GCM2: variants seen among roughly 807,000 people sequenced by gnomAD.
The protein encoded by GCM2 is GCM transcription factor 2, also known as chorion-specific transcription factor GCMb.
GCM2 carries 21 observed loss-of-function variants against 24.8 expected under a neutral mutation model. That is an observed-to-expected ratio of 0.85 (90% CI 0.60 to 1.22). GCM2 has a LOEUF of 1.22. GCM2 is among the 50% of genes most tolerant of loss of function. The pLI is 0.00. For synonymous variants in GCM2, 222 were observed against 238.0 expected (o/e 0.93, Z 0.62); for missense variants, 532 against 645.6 (o/e 0.82, Z 1.91).
chr6:10,878,960 C>A (rs1779920483), intron 1 of GCM2, among the ~76,000 whole-genome samples: 2 of 152,170 alleles, frequency 1.3e-5, no homozygotes, highest in Admixed American at 6.5e-5. Context: ...AAAATTAGAT[C>A]AAACATTTGC....
At position 10,874,961 on chromosome 6, in the gene GCM2, A is replaced by G. The variant is rs372675834; in HGVS notation, c.583-28T>C. On this transcript the variant is annotated intron_variant, in intron 4 of 4. Transcript: ENST00000379491. Reference sequence around the variant, plus strand: ...AGAAAAATGATACAAACATAGACACACGCTATGTAAATCGTGTGGACACCC... The same window carrying G: ...AGAAAAATGATACAAACATAGACACGCGCTATGTAAATCGTGTGGACACCC... 5.7e-5 allele frequency: 84 copies of G among 1,474,552 alleles called. No individual in the cohort carries two copies. The African/African-American group carries it at 1.1e-3, about 19-fold the overall frequency. The allele number at this position is 1,474,552 out of a possible 1,614,324, so 91.3% of individuals were successfully genotyped here. A position where few individuals can be genotyped will look rare whatever the true frequency, so the allele number is the denominator to read the frequency against.
rs1381706136 is a variant in GCM2, at chr6:10,874,481, C to T, written c.1035G>A (p.Arg345=). ...PALGKPSLVE[R]TNHGQFQAMA... ...TGGCCTGAAACTGCCCATGGTTAGT[C>T]CTTTCCACAAGGCTGGGTTTTCCAA... is the stretch of plus-strand genomic sequence containing the variant. Residue 345 remains arginine, a synonymous_variant, in exon 5 of 5, where the codon AGG becomes AGA. Coordinates refer to ENST00000379491, the MANE Select transcript of GCM2 (RefSeq NM_004752.4). 1 of 1,614,152 alleles carries T rather than the reference C, an allele frequency of 6.2e-7. No homozygotes were observed. The highest frequency in any genetic ancestry group is 8.5e-7 in the Non-Finnish European group (1 of 1,180,022).
intron 4 of GCM2, 31 bp from the exon 5 acceptor site, chr6:10,874,964 C>G: frequency 6.9e-7 from 1 of 1,453,016 alleles, no homozygotes; most frequent in Non-Finnish European, 9.7e-7. Context: ...TAGACACACG[C>G]TATGTAAATC....
At chr6:10,880,107 T>G (rs1779937625) in intron 1 of GCM2, among the ~76,000 whole-genome samples, 1 of 151,780 alleles carries the variant, frequency 6.6e-6, no homozygotes, top group African/African-American at 2.4e-5. Context: ...AATACAAAAT[T>G]AGCTGGGCGT....
chr6:10,880,818 G>C (rs928530983), intron 1 of GCM2, among the ~76,000 whole-genome samples: 1 of 152,170 alleles, frequency 6.6e-6, no homozygotes, highest in Non-Finnish European at 1.5e-5. Flanking sequence ...TCCTTCCTCT[G>C]AGCAGTTAGG....
intron 1 of GCM2, among the ~76,000 whole-genome samples, chr6:10,879,282 A>C (rs1252502928): frequency 2.0e-5 from 3 of 152,210 alleles, no homozygotes; most frequent in Non-Finnish European, 4.4e-5. Context: ...ACAAATTGAC[A>C]ATTTTCCAGA....
rs556024754 is a variant in GCM2, at chr6:10,881,863, G to A, written c.-70C>T. 1.6e-4 allele frequency: 208 copies of A among 1,288,196 alleles called. No individual in the cohort carries two copies. The highest frequency in any genetic ancestry group is 2.2e-4 in the Non-Finnish European group (196 of 902,498). The allele number at this position is 1,288,196 out of a possible 1,614,324, so 79.8% of individuals were successfully genotyped here. A position where few individuals can be genotyped will look rare whatever the true frequency, so the allele number is the denominator to read the frequency against. ...GAAGAAAAAAGGACAGGTGCGCCAG[G>A]TGGGTTTTTTTTCTTCTCTTTAAAG... On this transcript the variant is annotated 5_prime_UTR_variant, in exon 1 of 5. Coordinates refer to ENST00000379491, the MANE Select transcript of GCM2 (RefSeq NM_004752.4).
chr6:10,876,509 C>T lies in GCM2; in HGVS notation c.392G>A (p.Arg131Gln), dbSNP rs1447940760. Residue 131 changes from arginine (R) to glutamine (Q), a missense_variant, in exon 3 of 5, where the codon CGA (arginine) becomes CAA (glutamine). By Grantham distance (43) the Arg-to-Gln change is conservative (BLOSUM62 1). Around this residue, in one of 3 missense-constraint regions of GCM2, gnomAD observed 434 missense variants for 521.9 expected, o/e 0.83. Coordinates refer to ENST00000379491, the MANE Select transcript of GCM2 (RefSeq NM_004752.4). ...CHSALELIPC[R>Q]GHSGYPVTNF... ...GGTTACGGGGTATCCGCTGTGCCCT[C>T]GACAAGGAATCAACTCCAAAGCAGA... 5 of 1,613,926 alleles carry T rather than the reference C, an allele frequency of 3.1e-6. No individual in the cohort carries two copies. The highest frequency in any genetic ancestry group is 1.3e-5 in the African/African-American group (1 of 74,902).
At chr6:10,879,499 C>A (rs1779929460) in intron 1 of GCM2, among the ~76,000 whole-genome samples, 1 of 152,170 alleles carries the variant, frequency 6.6e-6, no homozygotes, top group African/African-American at 2.4e-5. Flanking sequence ...CACATAGACA[C>A]TGAACCTGAT....
chr6:10,878,051 A>C (rs1779907476), intron 1 of GCM2, among the ~76,000 whole-genome samples: 1 of 152,158 alleles, frequency 6.6e-6, no homozygotes, highest in South Asian at 2.1e-4. Context: ...CAAGTTTAAA[A>C]GGGTACTGCA....
Position 10,881,667 on chromosome 6 carries a change from A to G in GCM2, c.90+37T>C, listed in dbSNP as rs912594993. The G allele has an allele frequency of 3.3e-6, 5 of 1,493,784 alleles. No individual in the cohort carries two copies. In the Admixed American group the frequency reaches 5.0e-5, roughly 15 times the overall value. 92.5% of individuals were successfully genotyped at this position (1,493,784 alleles called of 1,614,324 possible). On this transcript the variant is annotated intron_variant, in intron 1 of 4. Coordinates refer to ENST00000379491, the MANE Select transcript of GCM2 (RefSeq NM_004752.4). ...GCCATTCTCCCTCCTTCGGATGGACAGCGCCCCGCGTGCCCGCACACACCC... is the reference window on the plus strand; with the variant it reads ...GCCATTCTCCCTCCTTCGGATGGACGGCGCCCCGCGTGCCCGCACACACCC...
chr6:10,877,534 T>C (rs1779901826), intron 1 of GCM2, 142 bp from the exon 2 acceptor site: 1 of 827,488 alleles, frequency 1.2e-6, no homozygotes, highest in African/African-American at 1.7e-5. Context: ...TGCCACTCTT[T>C]CTATGTAAGA....
intron 1 of GCM2, among the ~76,000 whole-genome samples, chr6:10,877,943 C>T (rs1383982386): frequency 6.6e-6 from 1 of 152,196 alleles, no homozygotes; most frequent in Admixed American, 6.5e-5. Context: ...AAGCACTTGG[C>T]TCTGTATGCC....
In GCM2 at chr6:10,873,896, C is replaced by T. The variant is rs746425059; in HGVS notation, c.*99G>A. On this transcript the variant is annotated 3_prime_UTR_variant, in exon 5 of 5. Transcript: ENST00000379491. ...ACTACTATCTGTGTTTCTTTGCACA[C>T]AAGGTGAATCTCCCAACTCAATAAG... is the stretch of plus-strand genomic sequence containing the variant. 6.6e-6 allele frequency: 6 copies of T among 906,062 alleles called. No individual in the cohort carries two copies. The highest frequency in any genetic ancestry group is 9.0e-6 in the Non-Finnish European group (5 of 558,568). 56.1% of individuals were successfully genotyped at this position (906,062 alleles called of 1,614,324 possible).
In GCM2 at chr6:10,874,579, T is replaced by C; in HGVS notation, c.937A>G (p.Asn313Asp). The part of the protein sequence containing the change: ...DWVHLNTLQC[N>D]VNSYSSYERS... ...TCATAGCTGCTGTATGAATTGACAT[T>C]ACATTGTAGTGTGTTCAGATGAACC... Residue 313 changes from asparagine (N) to aspartate (D), a missense_variant, in exon 5 of 5, where the codon AAT (asparagine) becomes GAT (aspartate). This residue lies in a region of GCM2 where 434 missense variants were observed against 521.9 expected (regional missense o/e 0.83). Transcript: ENST00000379491. The C allele has an allele frequency of 6.2e-7, 1 of 1,614,174 alleles. No individual in the cohort carries two copies.
chr6:10,881,554 ATGTGTGTGTGTG>A (rs35911329), intron 1 of GCM2, 138 bp downstream of exon 1: 6,003 of 429,690 alleles, frequency 0.014, 36 homozygotes, highest in Middle Eastern at 0.02. Context: ...TTTTGCGGGT[ATGTGTGTGTGTG>A]TGTGTGTGTG....
chr6:10,874,663 A>C lies in GCM2; in HGVS notation c.853T>G (p.Ser285Ala), dbSNP rs144456488. 8.1e-6 allele frequency: 13 copies of C among 1,614,042 alleles called. No homozygotes were observed. Among genetic ancestry groups the C allele is most frequent in the Non-Finnish European group, 1.0e-5 (12 of 1,180,048 alleles). The change falls in exon 5 of 5, where the codon TCA becomes GCA. Residue 285 changes from serine (S) to alanine (A), a missense_variant. Transcript: ENST00000379491. ...YELANPGYTN[S>A]SPYPTLYKDS... ...TTATAAAGGGTGGGATATGGGCTTG[A>C]ATTTGTATAACCAGGGTTTGCCAAT...
At chr6:10,881,625 T>C (rs1336888621) in intron 1 of GCM2, 79 bp downstream of exon 1, 13 of 884,452 alleles carry the variant, frequency 1.5e-5, no homozygotes, top group Admixed American at 3.7e-5. Context: ...GTCCGCAGAC[T>C]CTTCAAGAAC....
At position 10,874,921 on chromosome 6, in the gene GCM2, G is replaced by T. The variant is rs761555515; in HGVS notation, c.595C>A (p.Gln199Lys). Reference protein sequence around the residue: ...RIRESEAEENQDSSGHFSNIP... With the variant: ...RIRESEAEENKDSSGHFSNIP... Reference sequence around the variant, plus strand: ...TTGCTGAAATGACCACTGCTGTCTTGATTTTCTTCTGCCTAGAAAAATGAT... The same window carrying T: ...TTGCTGAAATGACCACTGCTGTCTTTATTTTCTTCTGCCTAGAAAAATGAT... The change falls in exon 5 of 5, where the codon CAA (glutamine) becomes AAA (lysine). Residue 199 changes from glutamine to lysine, a missense_variant. By Grantham distance (53) the Gln-to-Lys change is moderately conservative. This residue lies in a region of GCM2 where 434 missense variants were observed against 521.9 expected (regional missense o/e 0.83). Transcript: ENST00000379491. 11 of 1,611,064 alleles carry T rather than the reference G, an allele frequency of 6.8e-6. 1 individual carries two copies. The Admixed American group carries it at 1.7e-4, about 24-fold the overall frequency.
Sources: gnomAD v4.1 joint callset for allele counts (sites outside exome capture counted in the v4.1 genomes callset) on GRCh38, gnomAD v4.1.1 for gene constraint, gnomAD v4.1.1 regional missense constraint, MANE v1.5 for transcripts, NCBI Gene and HGNC (gene_info 2026-07-23, HGNC 2026-07-21) for gene names.